The following MTMR6 variants were observed in gnomAD, a reference collection of about 807,000 sequenced individuals.
MTMR6 encodes myotubularin related protein 6.
A neutral mutation model predicts 80.1 loss-of-function variants in MTMR6; 47 were observed. The observed-to-expected ratio is 0.59, with a 90% CI of 0.46 to 0.75. MTMR6 has a LOEUF of 0.75. Ranked by LOEUF, MTMR6 falls within the 30% of genes least tolerant of loss-of-function variation. MTMR6 has a pLI of 0.00. For missense variants in MTMR6, 629 were observed against 730.9 expected (o/e 0.86, Z 1.61); for synonymous variants, 254 against 253.0 (o/e 1.00, Z -0.04).
rs1331848477 is a variant in MTMR6 at position 25,248,937 on chromosome 13, G to C, written c.*295C>G. ...TAAGGAAGGTTATTTATGTTTGGCTGAATTAACATAAATCATAAACGTCAA... is the reference window on the plus strand; with the variant it reads ...TAAGGAAGGTTATTTATGTTTGGCTCAATTAACATAAATCATAAACGTCAA... On this transcript the variant is annotated 3_prime_UTR_variant, in exon 14 of 14. Coordinates refer to ENST00000381801, the MANE Select transcript of MTMR6 (RefSeq NM_004685.5). 4 of 268,766 alleles carry C rather than the reference G, an allele frequency of 1.5e-5. No homozygotes were observed. Among genetic ancestry groups the C allele is most frequent in the African/African-American group, 8.8e-5 (4 of 45,570 alleles). The allele number at this position is 268,766 out of a possible 1,614,324, so 16.6% of individuals were successfully genotyped here.
intron 3 of MTMR6, 112 bp downstream of exon 3, chr13:25,267,667 C>A: frequency 9.2e-7 from 1 of 1,091,920 alleles, no homozygotes; most frequent in South Asian, 1.8e-5. Flanking sequence ...ACAAAAGAAC[C>A]TGACTGTCAG....
rs3809335 is a variant in MTMR6 at position 25,287,439 on chromosome 13, A to G, written c.-192T>C. 0.097 allele frequency: 65,696 copies of G among 680,636 alleles called. 4,715 individuals are homozygous for G. The highest frequency in any genetic ancestry group is 0.25 in the Admixed American group (9,851 of 39,984). 42.2% of individuals were successfully genotyped at this position (680,636 alleles called of 1,614,324 possible). A position where few individuals can be genotyped will look rare whatever the true frequency, so the allele number is the denominator to read the frequency against. On this transcript the variant is annotated 5_prime_UTR_variant, in exon 1 of 14. Coordinates refer to ENST00000381801, the MANE Select transcript of MTMR6 (RefSeq NM_004685.5). ...CGCCGTCTCCTAGAAACACTTCCCC[A>G]AACCCCGCGGCCTCCCGGGGGACTC...
At chr13:25,254,284 T>TC in intron 10 of MTMR6, 101 bp downstream of exon 10, 2 of 835,030 alleles carry the variant, frequency 2.4e-6, no homozygotes, top group Non-Finnish European at 4.0e-6. Context: ...CACTCTTACC[T>TC]CCCATCACGC....
rs1460343938 is a variant in MTMR6, at chr13:25,265,744, A to AT, written c.591+74_591+75insA. On this transcript the variant is annotated intron_variant, in intron 5 of 13. Coordinates refer to ENST00000381801, the MANE Select transcript of MTMR6 (RefSeq NM_004685.5). ...GAGACCCTATCTCAAAAAAAAAAAA[A>AT]AAGTGTTATTTTAGATACTTAAACC... 2.7e-6 allele frequency: 4 copies of AT among 1,500,992 alleles called. No homozygotes were observed. In the African/African-American group the frequency reaches 5.6e-5, roughly 21 times the overall value. The allele number at this position is 1,500,992 out of a possible 1,614,324, so 93.0% of individuals were successfully genotyped here.
Position 25,261,764 on chromosome 13 carries a change from G to A in MTMR6, c.630C>T (p.Phe210=). The change falls in exon 6 of 14, where the codon TTC becomes TTT. Residue 210 remains phenylalanine, a synonymous_variant. Transcript: ENST00000381801. ...GTTCATCCTCCAGGCACCTGGCACT[G>A]AATCCAGAGAGTGGCTGACTACATC... ...ICRCSQPLSG[F]SARCLEDEHL... is the part of the protein sequence containing the mutation. 6.2e-7 allele frequency: 1 copy of A among 1,613,644 alleles called. No homozygotes were observed. Among genetic ancestry groups the A allele is most frequent in the Non-Finnish European group, 8.5e-7 (1 of 1,179,706 alleles).
intron 5 of MTMR6, 146 bp from the exon 6 acceptor site, chr13:25,261,948 C>T (rs2137552323): frequency 2.8e-6 from 2 of 718,978 alleles, no homozygotes; most frequent in Admixed American, 6.6e-5. Context: ...GAATTAAATA[C>T]TATTTCAATA....
intron 6 of MTMR6, chr13:25,260,660 G>A (rs1448741728): frequency 7.8e-7 from 1 of 1,286,080 alleles, no homozygotes; most frequent in East Asian, 5.6e-5. Context: ...ATGTCCTTTT[G>A]TGTAGCCCAC....
rs917281483 is a variant in MTMR6 at position 25,284,299 on chromosome 13, CTTGTGAACTAA to C, written c.24+2914_24+2924del. Among the ~76,000 whole-genome samples, 5 of 152,234 alleles carry C rather than the reference CTTGTGAACTAA, an allele frequency of 3.3e-5. No homozygotes were observed. In the East Asian group the frequency reaches 9.6e-4, roughly 29 times the overall value. Reference sequence around the variant, plus strand: ...CTTAGTTTAAATACTAATTCTATCTCTTGTGAACTAATTGAGCAGGTTACTTAAATTCTCTA... The same window carrying C: ...CTTAGTTTAAATACTAATTCTATCTCTTGAGCAGGTTACTTAAATTCTCTA... On this transcript the variant is annotated intron_variant, in intron 1 of 13. Coordinates refer to ENST00000381801, the MANE Select transcript of MTMR6 (RefSeq NM_004685.5).
At chr13:25,252,876 T>G (rs2137522032) in intron 11 of MTMR6, among the ~76,000 whole-genome samples, 1 of 152,308 alleles carries the variant, frequency 6.6e-6, no homozygotes, top group Non-Finnish European at 1.5e-5. Flanking sequence ...TTTTAGAATT[T>G]TCCACATGCT....
chr13:25,282,611 CTT>C (rs778665309), intron 1 of MTMR6, among the ~76,000 whole-genome samples: 5 of 129,054 alleles, frequency 3.9e-5, no homozygotes, highest in Non-Finnish European at 1.6e-5. Flanking sequence ...TTTCTTTTTT[CTT>C]TTTTTTTTTT....
intron 5 of MTMR6, 104 bp downstream of exon 5, chr13:25,265,715 G>T: frequency 7.7e-7 from 1 of 1,304,808 alleles, no homozygotes; most frequent in Non-Finnish European, 1.0e-6. Context: ...TTCGGCAACA[G>T]AGCGAGACCC....
At chr13:25,264,753 CAAAAAAA>C (rs769719876) in intron 5 of MTMR6, among the ~76,000 whole-genome samples, 5 of 33,488 alleles carry the variant, frequency 1.5e-4, no homozygotes, top group South Asian at 2.4e-3. Context: ...AACTCCATCT[CAAAAAAA>C]AAAAAAAAAA....
chr13:25,249,503 C>A lies in MTMR6; in HGVS notation c.1606-11G>T, dbSNP rs1292398878. ...GCGTTGTTTAATTTTCTAGAACAAA[C>A]ACAAATTTGAAAAAATTACTAATTG... On this transcript the variant is annotated splice_polypyrimidine_tract_variant and intron_variant, in intron 13 of 13. Transcript: ENST00000381801. The A allele has an allele frequency of 6.2e-7, 1 of 1,602,814 alleles. No homozygotes were observed. Among genetic ancestry groups the A allele is most frequent in the African/African-American group, 1.3e-5 (1 of 74,458 alleles).
rs5802321 is a variant in MTMR6 at position 25,251,009 on chromosome 13, C to CT, written c.1605+639dup. 3.3e-5 allele frequency among the ~76,000 whole-genome samples: 5 copies of CT among 151,310 alleles called. No individual in the cohort carries two copies. The highest frequency in any genetic ancestry group is 1.2e-4 in the African/African-American group (5 of 41,184). ...CTTCAAATAGATCTATGTTTTATTT[C>CT]TTTTTTTTTTGTTTGTTTTTGTTTT... On this transcript the variant is annotated intron_variant, in intron 13 of 13. Coordinates refer to ENST00000381801, the MANE Select transcript of MTMR6 (RefSeq NM_004685.5). This position sits in a 1 kb window ranked among gnomAD's most constrained non-coding sequence, Gnocchi z 4.1.
In MTMR6 at chr13:25,251,998, G is replaced by T. The variant is rs1255727426; in HGVS notation, c.1347-14C>A. On this transcript the variant is annotated splice_polypyrimidine_tract_variant and intron_variant, in intron 11 of 13. Transcript: ENST00000381801. This position sits in a 1 kb window ranked among gnomAD's most constrained non-coding sequence, Gnocchi z 4.1. ...TTCTCCTTCAACCTTAATATAATGA[G>T]AAAAACACAGAGATCTTTCCTATAG... 25 of 1,602,762 alleles carry T rather than the reference G, an allele frequency of 1.6e-5. No homozygotes were observed. The highest frequency in any genetic ancestry group is 2.0e-5 in the Non-Finnish European group (24 of 1,176,138).
chr13:25,262,270 A>T (rs1957356011), intron 5 of MTMR6, among the ~76,000 whole-genome samples: 1 of 152,240 alleles, frequency 6.6e-6, no homozygotes, highest in Non-Finnish European at 1.5e-5. Context: ...GAGAAAAATG[A>T]CCTTCAATTC....
At chr13:25,249,883 A>C (rs1199855500) in intron 13 of MTMR6, among the ~76,000 whole-genome samples, 1 of 152,242 alleles carries the variant, frequency 6.6e-6, no homozygotes, top group Non-Finnish European at 1.5e-5. Flanking sequence ...GGGCTCACTG[A>C]CTATATAGAG....
chr13:25,270,929 G>A (rs899876927), intron 2 of MTMR6, among the ~76,000 whole-genome samples: 4 of 152,104 alleles, frequency 2.6e-5, no homozygotes, highest in African/African-American at 9.7e-5. Flanking sequence ...AATAGTATGA[G>A]CAGCTATGAT....
chr13:25,272,430 T>C (rs1459800582), intron 2 of MTMR6, among the ~76,000 whole-genome samples: 1 of 152,298 alleles, frequency 6.6e-6, no homozygotes, highest in African/African-American at 2.4e-5. Flanking sequence ...ACTCTTTATT[T>C]GTTTTCTTGA....
Sources: allele counts gnomAD v4.1 joint callset (sites outside exome capture counted in the v4.1 genomes callset), GRCh38; gene constraint gnomAD v4.1.1; non-coding constraint Gnocchi (gnomAD v3.1); transcripts MANE v1.5; gene names NCBI Gene and HGNC (gene_info 2026-07-23, HGNC 2026-07-21).